CGNL1: variants seen among roughly 807,000 people sequenced by gnomAD.
CGNL1 encodes cingulin like 1.
A neutral mutation model predicts 141.2 loss-of-function variants in CGNL1; 132 were observed. The ratio of observed to expected loss-of-function variants is 0.93; its 90% confidence interval spans 0.81 to 1.08. The LOEUF (loss-of-function observed/expected upper bound fraction) is 1.08, where lower values mean the gene tolerates loss of function less well. Among genes scored for constraint, CGNL1 ranks in the 50% least tolerant of loss-of-function variants. The pLI is 0.00. For synonymous variants in CGNL1, 690 were observed against 622.1 expected, an observed-to-expected ratio of 1.11 and a Z score of -1.63; for missense variants, 1,870 against 1,588.6, an observed-to-expected ratio of 1.18 and a Z score of -3.01.
chr15:57,391,296 G>T (rs1193229586), intron 1 of CGNL1, among the ~76,000 whole-genome samples: 1 of 152,264 alleles, frequency 6.6e-6, no homozygotes, highest in East Asian at 1.9e-4. Context: ...GCCCATAAGG[G>T]ATGACATAGG....
chr15:57,420,368 A>G (rs1420164100), intron 1 of CGNL1, among the ~76,000 whole-genome samples: 8 of 152,274 alleles, frequency 5.3e-5, no homozygotes, highest in South Asian at 2.1e-4. Context: ...AAATATTCCT[A>G]TATGTAACCA....
rs867306160 is a variant in CGNL1 at position 57,440,235 on chromosome 15, G to T, written c.1603-142G>T. On this transcript the variant is annotated intron_variant, in intron 2 of 18. Coordinates refer to ENST00000281282, the MANE Select transcript of CGNL1 (RefSeq NM_032866.5). Reference sequence around the variant, plus strand: ...GGTGAGAAAATTGAGGCGAGGAGAAGTTAAGTAACTTCCCCAAGATTATGA... The same window carrying T: ...GGTGAGAAAATTGAGGCGAGGAGAATTTAAGTAACTTCCCCAAGATTATGA... 2.2e-5 allele frequency: 14 copies of T among 637,144 alleles called. No homozygotes were observed. The Admixed American group carries it at 3.9e-4, about 18-fold the overall frequency. The allele number at this position is 637,144 out of a possible 1,614,324, so 39.5% of individuals were successfully genotyped here.
intron 8 of CGNL1, among the ~76,000 whole-genome samples, chr15:57,490,425 C>T (rs755651843): frequency 2.6e-5 from 4 of 151,946 alleles, no homozygotes; most frequent in African/African-American, 7.3e-5. Context: ...CGCACGCGTG[C>T]GTGTGCACTC....
At chr15:57,468,237 T>TTTTTTTTTTTTTTTTTTTTTTTC in intron 8 of CGNL1, among the ~76,000 whole-genome samples, 1 of 6,274 alleles carries the variant, frequency 1.6e-4, no homozygotes, top group Non-Finnish European at 3.2e-4. Flanking sequence ...TCTTTTTCTT[T>TTTTTTTTTTTTTTTTTTTTTTTC]TTTTTTTTTT....
chr15:57,540,153 T>C (rs1407718093), intron 14 of CGNL1, among the ~76,000 whole-genome samples: 1 of 152,192 alleles, frequency 6.6e-6, no homozygotes, highest in Non-Finnish European at 1.5e-5. Flanking sequence ...CCTCCTACTC[T>C]GTGTTACTGG....
chr15:57,475,873 G>T (rs11638422), intron 8 of CGNL1, among the ~76,000 whole-genome samples: 20,346 of 151,924 alleles, frequency 0.13, 1,890 homozygotes, highest in East Asian at 0.45. Flanking sequence ...ATTTAAAATC[G>T]TGCCATCCTT....
rs76583215 is a variant in CGNL1, at chr15:57,380,589, A to G, written c.-16+4022A>G. On this transcript the variant is annotated intron_variant, in intron 1 of 18. Coordinates refer to ENST00000281282, the MANE Select transcript of CGNL1 (RefSeq NM_032866.5). ...TAAGACATGCTTTACTTGGGTTTAC[A>G]TTAAAGCTTATTCTATTAGGCCCGT... is the stretch of plus-strand genomic sequence containing the variant. Among the ~76,000 whole-genome samples the G allele has an allele frequency of 3.8e-3, 580 of 152,252 alleles. 5 individuals carry two copies. The highest frequency in any genetic ancestry group is 0.013 in the African/African-American group (554 of 41,544).
intron 8 of CGNL1, among the ~76,000 whole-genome samples, chr15:57,516,437 A>C (rs2030803682): frequency 6.6e-6 from 1 of 152,220 alleles, no homozygotes; most frequent in Non-Finnish European, 1.5e-5. Flanking sequence ...AGGGTTGGCA[A>C]ACTTTTTCTA....
chr15:57,483,079 G>A (rs771199652), intron 8 of CGNL1, among the ~76,000 whole-genome samples: 4 of 152,156 alleles, frequency 2.6e-5, no homozygotes, highest in Non-Finnish European at 4.4e-5. Flanking sequence ...GAGCCACTGC[G>A]CCTGGCCTAC....
chr15:57,411,073 A>G (rs1426153769), intron 1 of CGNL1, among the ~76,000 whole-genome samples: 2 of 152,218 alleles, frequency 1.3e-5, no homozygotes, highest in African/African-American at 4.8e-5. Context: ...CATTTATACC[A>G]TGTTGGATGG....
intron 13 of CGNL1, among the ~76,000 whole-genome samples, chr15:57,531,381 A>C (rs542507253): frequency 6.6e-6 from 1 of 152,260 alleles, no homozygotes; most frequent in Non-Finnish European, 1.5e-5. Flanking sequence ...AGGGAGAAAC[A>C]GAGACTTGAC....
intron 10 of CGNL1, among the ~76,000 whole-genome samples, chr15:57,519,641 C>G (rs554469989): frequency 2.2e-4 from 33 of 152,050 alleles, no homozygotes; most frequent in Non-Finnish European, 4.3e-4. Flanking sequence ...ATTACAAAAT[C>G]TTGTGGGGTT....
intron 14 of CGNL1, among the ~76,000 whole-genome samples, chr15:57,543,006 T>C (rs1241054630): frequency 1.3e-5 from 2 of 152,216 alleles, no homozygotes; most frequent in Non-Finnish European, 2.9e-5. Context: ...CTAGGGCTGC[T>C]GTAACAAAGT....
rs534450972 is a variant in CGNL1, at chr15:57,547,377, G to A, written c.3796G>A (p.Val1266Met). 1 of 1,614,254 alleles carries A rather than the reference G, an allele frequency of 6.2e-7. No homozygotes were observed. Among genetic ancestry groups the A allele is most frequent in the South Asian group, 1.1e-5 (1 of 91,090 alleles). The change falls in exon 19 of 19, where the codon GTG (valine) becomes ATG (methionine). Residue 1266 changes from valine (V) to methionine (M), a missense_variant. Physicochemically the swap from Val to Met is conservative, Grantham distance 21. Coordinates refer to ENST00000281282, the MANE Select transcript of CGNL1 (RefSeq NM_032866.5). ...DLRLKKLPSK[V>M]LDDMDDDDDL... Reference sequence around the variant, plus strand: ...CAGACTGAAGAAGCTGCCGAGTAAAGTGCTGGATGACATGGATGACGACGA... The same window carrying A: ...CAGACTGAAGAAGCTGCCGAGTAAAATGCTGGATGACATGGATGACGACGA...
At chr15:57,389,096 G>T (rs1445828785) in intron 1 of CGNL1, among the ~76,000 whole-genome samples, 1 of 151,798 alleles carries the variant, frequency 6.6e-6, no homozygotes, top group Non-Finnish European at 1.5e-5. Flanking sequence ...AATAATTCGT[G>T]ATCAGTGGCT....
intron 1 of CGNL1, among the ~76,000 whole-genome samples, chr15:57,432,892 G>C (rs1383672905): frequency 6.6e-5 from 10 of 152,212 alleles, no homozygotes; most frequent in African/African-American, 2.4e-4. Flanking sequence ...AGCTAAGATT[G>C]TAATAAGCCA....
At chr15:57,490,720 G>A (rs2063848103) in intron 8 of CGNL1, among the ~76,000 whole-genome samples, 1 of 152,208 alleles carries the variant, frequency 6.6e-6, no homozygotes, top group Non-Finnish European at 1.5e-5. Flanking sequence ...TCCTTCCAGA[G>A]TGTACAGGAT....
In CGNL1 at chr15:57,436,849, A is replaced by G. The variant is rs140767809; in HGVS notation, c.-15-1136A>G. Among the ~76,000 whole-genome samples the G allele has an allele frequency of 6.5e-3, 995 of 152,304 alleles. 16 individuals are homozygous for G. Among genetic ancestry groups the G allele is most frequent in the African/African-American group, 0.023 (944 of 41,560 alleles). On this transcript the variant is annotated intron_variant, in intron 1 of 18. Coordinates refer to ENST00000281282, the MANE Select transcript of CGNL1 (RefSeq NM_032866.5). ...TAATCAAGAAATAGAAGAAAACACA[A>G]CATTAGATAATAAATGATTTATCCT...
chr15:57,399,540 T>C (rs1379210522), intron 1 of CGNL1, among the ~76,000 whole-genome samples: 1 of 133,054 alleles, frequency 7.5e-6, no homozygotes, highest in South Asian at 2.6e-4. Context: ...AGGACATCTA[T>C]AGTTGTTTTT....
Sources: allele counts gnomAD v4.1 joint callset (sites outside exome capture counted in the v4.1 genomes callset), GRCh38; gene constraint gnomAD v4.1.1; transcripts MANE v1.5; gene names NCBI Gene and HGNC (gene_info 2026-07-23, HGNC 2026-07-21).